ZC3H7A: variants seen among roughly 807,000 people sequenced by gnomAD.
The protein encoded by ZC3H7A is zinc finger CCCH-type containing 7A.
In ZC3H7A, 44 loss-of-function variants were observed where a neutral mutation model predicts 125.5. The ratio of observed to expected loss-of-function variants is 0.35; its 90% confidence interval spans 0.28 to 0.45. The LOEUF is 0.45. ZC3H7A is among the 20% of genes least tolerant of loss of function. The pLI is 1.00. For missense variants in ZC3H7A, 977 were observed against 1,170.7 expected (o/e 0.83, Z 2.41); for synonymous variants, 399 against 391.2 (o/e 1.02, Z -0.23).
At chr16:11,785,903 G>A (rs1426901075) in intron 1 of ZC3H7A, among the ~76,000 whole-genome samples, 1 of 152,218 alleles carries the variant, frequency 6.6e-6, no homozygotes, top group African/African-American at 2.4e-5. Context: ...ACAGGCGTGA[G>A]CCACCGCGCC....
In ZC3H7A at chr16:11,756,232, C is replaced by A; in HGVS notation, c.2562+5G>T. The A allele has an allele frequency of 6.2e-7, 1 of 1,611,808 alleles. No homozygotes were observed. The highest frequency in any genetic ancestry group is 2.2e-5 in the East Asian group (1 of 44,876). ...AAGAGAGGGTAAATGACGCACGGTACTCACTGTAACTTCAGCATAATCTGT... is the reference window on the plus strand; with the variant it reads ...AAGAGAGGGTAAATGACGCACGGTAATCACTGTAACTTCAGCATAATCTGT... On this transcript the variant is annotated splice_donor_5th_base_variant and intron_variant, in intron 21 of 22. Transcript: ENST00000355758.
At position 11,761,990 on chromosome 16, in the gene ZC3H7A, C is replaced by T; in HGVS notation, c.2133G>A (p.Val711=). Residue 711 remains valine (V), a synonymous_variant, in exon 18 of 23, where the codon GTG becomes GTA. Transcript: ENST00000355758. The stretch of plus-strand genomic sequence containing the variant: ...GACCGTTTCTCAGACACTGGGCGCA[C>T]ACAAACTTTATCTTCATATTAAGAA... ...PGFLNMKIKF[V]CAQCLRNGQV... The T allele has an allele frequency of 1.2e-6, 2 of 1,613,152 alleles. No individual in the cohort carries two copies. Among genetic ancestry groups the T allele is most frequent in the Non-Finnish European group, 1.7e-6 (2 of 1,179,780 alleles).
chr16:11,759,354 T>C (rs2052703596), intron 19 of ZC3H7A: 1 of 152,220 alleles, frequency 6.6e-6, no homozygotes, highest in Non-Finnish European at 1.5e-5. Flanking sequence ...CTACATTATT[T>C]AGCTTACGTG....
chr16:11,790,627 C>T lies in ZC3H7A; in HGVS notation c.-35+6497G>A, dbSNP rs112178255. On this transcript the variant is annotated intron_variant, in intron 1 of 22. Coordinates refer to ENST00000355758, the MANE Select transcript of ZC3H7A (RefSeq NM_014153.4). ...CGATCTCGGCTCATTGCAACCTCCG[C>T]CTCCCAGGTTCAAGCGATTCTTCTG... 2.5e-3 allele frequency among the ~76,000 whole-genome samples: 378 copies of T among 152,140 alleles called. 1 individual carries two copies. Among genetic ancestry groups the T allele is most frequent in the African/African-American group, 8.6e-3 (359 of 41,534 alleles).
At chr16:11,794,051 T>C (rs1028626374) in intron 1 of ZC3H7A, among the ~76,000 whole-genome samples, 1 of 152,204 alleles carries the variant, frequency 6.6e-6, no homozygotes, top group Non-Finnish European at 1.5e-5. Flanking sequence ...TGCTAAGTGG[T>C]GGTTCCCAGG....
Position 11,782,369 on chromosome 16 carries a change from C to G in ZC3H7A, c.-15G>C. 2.5e-6 allele frequency: 4 copies of G among 1,614,022 alleles called. No individual in the cohort carries two copies. The highest frequency in any genetic ancestry group is 3.4e-6 in the Non-Finnish European group (4 of 1,179,970). ...ACATTGGACATGTTATCCCACACAT[C>G]CACTTTCTAAATGAGCAATCTGGAA... On this transcript the variant is annotated 5_prime_UTR_variant, in exon 2 of 23. Transcript: ENST00000355758.
intron 1 of ZC3H7A, among the ~76,000 whole-genome samples, chr16:11,791,276 G>A (rs372564084): frequency 2.5e-4 from 38 of 151,904 alleles, no homozygotes; most frequent in African/African-American, 8.4e-4. Context: ...TGAGGCTCCC[G>A]TCACACTGAC....
rs1305989126 is a variant in ZC3H7A at position 11,765,978 on chromosome 16, T to G, written c.1523-293A>C. 6.6e-6 allele frequency among the ~76,000 whole-genome samples: 1 copy of G among 152,190 alleles called. No individual in the cohort carries two copies. The highest frequency in any genetic ancestry group is 1.5e-5 in the Non-Finnish European group (1 of 68,042). ...TCATGGACAGCCTCAAACAATGATA[T>G]GCATATTATCTGGGGATGGATCGTA... On this transcript the variant is annotated intron_variant, in intron 13 of 22. Transcript: ENST00000355758. This position sits in a 1 kb window ranked among gnomAD's most constrained non-coding sequence, Gnocchi z 4.8.
intron 9 of ZC3H7A, 106 bp downstream of exon 9, chr16:11,774,130 C>G (rs1019343220): frequency 2.1e-5 from 23 of 1,096,672 alleles, no homozygotes; most frequent in Non-Finnish European, 2.5e-5. Flanking sequence ...AAAAAACCCC[C>G]AAATTCAGCC....
At chr16:11,760,139 A>AAAAAAAAAAAAG (rs1555493882) in intron 19 of ZC3H7A, among the ~76,000 whole-genome samples, 3 of 149,704 alleles carry the variant, frequency 2.0e-5, no homozygotes, top group Admixed American at 6.7e-5. Context: ...AAAAAAAAAA[A>AAAAAAAAAAAAG]AAAAAAGAAA....
chr16:11,751,646 A>G, intron 22 of ZC3H7A, 140 bp from the exon 23 acceptor site: 1 of 803,940 alleles, frequency 1.2e-6, no homozygotes, highest in Non-Finnish European at 1.9e-6. Context: ...AGAATGGTAA[A>G]TATTTTATAG....
intron 19 of ZC3H7A, 136 bp from the exon 20 acceptor site, chr16:11,758,675 C>G: frequency 1.6e-6 from 1 of 626,548 alleles, no homozygotes; most frequent in Non-Finnish European, 2.7e-6. Context: ...ATTAATTTGA[C>G]TCTACTCAAA....
chr16:11,756,703 G>A (rs2052655021), intron 20 of ZC3H7A, among the ~76,000 whole-genome samples: 1 of 152,156 alleles, frequency 6.6e-6, no homozygotes, highest in South Asian at 2.1e-4. Flanking sequence ...TGCCTCTGTC[G>A]CCCTACGTTC....
chr16:11,751,509 G>GT lies in ZC3H7A; in HGVS notation c.2727-4dup. On this transcript the variant is annotated splice_region_variant and splice_polypyrimidine_tract_variant and intron_variant, in intron 22 of 22. Coordinates refer to ENST00000355758, the MANE Select transcript of ZC3H7A (RefSeq NM_014153.4). ...CTGGGCAGGTGCCATTCATATACCTGTAAGGAGAAGTCAGCTGCTCAGTGT... is the reference window on the plus strand; with the variant it reads ...CTGGGCAGGTGCCATTCATATACCTGTTAAGGAGAAGTCAGCTGCTCAGTGT... 6.2e-7 allele frequency: 1 copy of GT among 1,610,564 alleles called. No homozygotes were observed. Among genetic ancestry groups the GT allele is most frequent in the Non-Finnish European group, 8.5e-7 (1 of 1,178,814 alleles).
At chr16:11,794,629 T>C (rs2053404896) in intron 1 of ZC3H7A, among the ~76,000 whole-genome samples, 1 of 152,118 alleles carries the variant, frequency 6.6e-6, no homozygotes, top group African/African-American at 2.4e-5. Context: ...AGAAAGCCCT[T>C]TCTAGGGTAT....
intron 8 of ZC3H7A, among the ~76,000 whole-genome samples, 179 bp downstream of exon 8, chr16:11,774,801 C>T (rs1242475336): frequency 6.6e-6 from 1 of 152,154 alleles, no homozygotes; most frequent in Non-Finnish European, 1.5e-5. Context: ...ACTTTTCAGT[C>T]ACTCACTGGC....
At chr16:11,786,716 GTTTT>G (rs940733181) in intron 1 of ZC3H7A, among the ~76,000 whole-genome samples, 15 of 152,264 alleles carry the variant, frequency 9.9e-5, no homozygotes, top group Middle Eastern at 3.4e-3. Flanking sequence ...ATGTTCAGTA[GTTTT>G]TTAAGTTTCC....
At chr16:11,764,414 T>C (rs1393805367) in intron 15 of ZC3H7A, among the ~76,000 whole-genome samples, 2 of 152,132 alleles carry the variant, frequency 1.3e-5, no homozygotes, top group Non-Finnish European at 2.9e-5. Flanking sequence ...ACGGGTGTGG[T>C]GGCACGTGCC....
intron 1 of ZC3H7A, among the ~76,000 whole-genome samples, chr16:11,785,232 A>G (rs2053238287): frequency 6.6e-6 from 1 of 151,926 alleles, no homozygotes; most frequent in Non-Finnish European, 1.5e-5. Flanking sequence ...CCAGCTACTC[A>G]GGAGGCTGAG....
Sources: gnomAD v4.1 joint callset for allele counts (sites outside exome capture counted in the v4.1 genomes callset) on GRCh38, gnomAD v4.1.1 for gene constraint, Gnocchi (gnomAD v3.1) non-coding constraint, MANE v1.5 for transcripts, NCBI Gene and HGNC (gene_info 2026-07-23, HGNC 2026-07-21) for gene names.